COL15A1: variants seen among roughly 807,000 people sequenced by gnomAD.
The protein encoded by COL15A1 is collagen alpha-1(XV) chain.
COL15A1 carries 111 observed loss-of-function variants against 165.9 expected under a neutral mutation model. The observed-to-expected ratio is 0.67, with a 90% confidence interval of 0.57 to 0.78. The LOEUF (loss-of-function observed/expected upper bound fraction) is 0.78, where lower values mean the gene tolerates loss of function less well. COL15A1 is among the 30% of genes least tolerant of loss of function. The pLI is 0.00. For missense variants in COL15A1, 1,745 were observed against 1,789.7 expected, an observed-to-expected ratio of 0.98 and a Z score of 0.45; for synonymous variants, 659 against 674.8, an observed-to-expected ratio of 0.98 and a Z score of 0.36.
chr9:98,988,737 AC>A (rs2118896544), intron 4 of COL15A1, among the ~76,000 whole-genome samples: 1 of 152,204 alleles, frequency 6.6e-6, no homozygotes, highest in East Asian at 1.9e-4. Context: ...AGCCTGGCCA[AC>A]ATGGTGAAAC....
chr9:98,946,203 C>A (rs55677290), intron 2 of COL15A1, among the ~76,000 whole-genome samples: 46,165 of 152,014 alleles, frequency 0.3, 7,342 homozygotes, highest in Non-Finnish European at 0.37. Context: ...CTTACAACCA[C>A]TCCAGGAGGT....
At chr9:99,067,217 C>A in intron 40 of COL15A1, 150 bp downstream of exon 40, 2 of 661,154 alleles carry the variant, frequency 3.0e-6, no homozygotes, top group Non-Finnish European at 5.0e-6. Context: ...GGGTTCTTTG[C>A]CTTCCCTGAA....
At chr9:99,048,917 C>T (rs907578543) in intron 28 of COL15A1, among the ~76,000 whole-genome samples, 7 of 152,102 alleles carry the variant, frequency 4.6e-5, no homozygotes, top group Non-Finnish European at 2.9e-5. Flanking sequence ...AGCTCTAAGT[C>T]TATTGCTGCT....
intron 36 of COL15A1, among the ~76,000 whole-genome samples, chr9:99,060,284 C>T (rs934478949): frequency 6.9e-5 from 10 of 144,044 alleles, no homozygotes; most frequent in East Asian, 2.1e-4. Flanking sequence ...GAGGGGTGGA[C>T]GGGGTCTCAC....
intron 2 of COL15A1, among the ~76,000 whole-genome samples, chr9:98,953,744 C>A (rs1184813428): frequency 6.6e-6 from 1 of 152,226 alleles, no homozygotes; most frequent in Non-Finnish European, 1.5e-5. Flanking sequence ...GGCTTGCAGG[C>A]AACACCCTGG....
chr9:98,951,864 AC>A (rs1429676309), intron 2 of COL15A1, among the ~76,000 whole-genome samples: 1 of 152,142 alleles, frequency 6.6e-6, no homozygotes, highest in Non-Finnish European at 1.5e-5. Context: ...GGCTACCAGT[AC>A]CATTTTAAAA....
chr9:99,069,869 A>G lies in COL15A1; in HGVS notation c.4150A>G (p.Thr1384Ala). ...IVLCIENSFM[T>A]DARK ...CCTATGTATCGAAAACAGTTTCATG[A>G]CAGACGCTAGGAAGTAATGGCCTTC... Residue 1384 changes from threonine to alanine, a missense_variant, in exon 42 of 42, where the codon ACA becomes GCA. Coordinates refer to ENST00000375001, the MANE Select transcript of COL15A1 (RefSeq NM_001855.5). 6.2e-7 allele frequency: 1 copy of G among 1,612,226 alleles called. No individual in the cohort carries two copies. Among genetic ancestry groups the G allele is most frequent in the Admixed American group, 1.7e-5 (1 of 59,968 alleles).
At chr9:99,034,629 C>CTCCTCCA (rs1182840726) in intron 17 of COL15A1, 45 bp downstream of exon 17, 2 of 1,496,664 alleles carry the variant, frequency 1.3e-6, no homozygotes, top group Non-Finnish European at 1.8e-6. Context: ...TTTCTTCTCC[C>CTCCTCCA]TCCTCCCCTT....
At position 98,982,003 on chromosome 9, in the gene COL15A1, G is replaced by A. The variant is rs896985443; in HGVS notation, c.101-3562G>A. On this transcript the variant is annotated intron_variant, in intron 2 of 41. Transcript: ENST00000375001. ...TTTTTTGTAGAGATGGTCTCTCTGT[G>A]TTGCCCAGGCTGGTCTCAAACTCCT... is the stretch of plus-strand genomic sequence containing the variant. Among the ~76,000 whole-genome samples the A allele has an allele frequency of 2.0e-5, 3 of 152,048 alleles. No individual in the cohort carries two copies. The East Asian group carries it at 5.8e-4, about 29-fold the overall frequency.
intron 8 of COL15A1, 61 bp downstream of exon 8, chr9:99,003,648 G>A: frequency 7.0e-7 from 1 of 1,433,860 alleles, no homozygotes; most frequent in Admixed American, 2.7e-5. Context: ...GTTGTGTTGG[G>A]TGGGAGCAGT....
At chr9:98,984,920 T>C (rs977794071) in intron 2 of COL15A1, among the ~76,000 whole-genome samples, 4 of 152,186 alleles carry the variant, frequency 2.6e-5, no homozygotes, top group Admixed American at 6.5e-5. Flanking sequence ...GTCTCCCAAG[T>C]AGCTGAGATT....
chr9:99,036,343 G>C lies in COL15A1; in HGVS notation c.2356G>C (p.Val786Leu), dbSNP rs1341948171. The C allele has an allele frequency of 6.2e-6, 10 of 1,614,012 alleles. No individual in the cohort carries two copies. Among genetic ancestry groups the C allele is most frequent in the Non-Finnish European group, 8.5e-7 (1 of 1,180,032 alleles). Residue 786 changes from valine to leucine, a missense_variant, in exon 21 of 42, where the codon GTG becomes CTG. By Grantham distance (32) the Val-to-Leu change is conservative (BLOSUM62 1). Transcript: ENST00000375001. Reference protein sequence around the residue: ...GERGMDGASIVGPPGPRGPPG... With the variant: ...GERGMDGASILGPPGPRGPPG... ...AAGGGGGATGGATGGAGCCAGTATT[G>C]TGGGACCCCCTGGGCCGAGAGGGCC...
chr9:99,056,345 G>A lies in COL15A1; in HGVS notation c.3278G>A (p.Gly1093Asp). The A allele has an allele frequency of 6.2e-7, 1 of 1,613,750 alleles. No homozygotes were observed. The highest frequency in any genetic ancestry group is 8.5e-7 in the Non-Finnish European group (1 of 1,180,008). Residue 1093 changes from glycine to aspartate, a missense_variant, in exon 35 of 42, where the codon GGT (glycine) becomes GAT (aspartate). Gly to Asp is a moderately conservative substitution (Grantham distance 94). Coordinates refer to ENST00000375001, the MANE Select transcript of COL15A1 (RefSeq NM_001855.5). ...GGGCCACCTGGCTTTGGAAGACCTG[G>A]TGATCCTGGGCCACCGGGGCCCCCG... The part of the protein sequence containing the change: ...LPGPPGFGRP[G>D]DPGPPGPPGP...
intron 5 of COL15A1, among the ~76,000 whole-genome samples, chr9:98,990,604 G>A (rs1184433428): frequency 6.6e-6 from 1 of 152,244 alleles, no homozygotes; most frequent in Non-Finnish European, 1.5e-5. Context: ...AGGCAAAGGT[G>A]CCAACAGCCC....
chr9:98,971,430 G>T (rs1408153734), intron 2 of COL15A1, among the ~76,000 whole-genome samples: 1 of 152,102 alleles, frequency 6.6e-6, no homozygotes, highest in Non-Finnish European at 1.5e-5. Flanking sequence ...TGCACTCAAA[G>T]AGTCTTTGTT....
chr9:99,036,026 G>A (rs1279796991), intron 19 of COL15A1, 144 bp from the exon 20 acceptor site: 2 of 670,212 alleles, frequency 3.0e-6, no homozygotes, highest in African/African-American at 3.6e-5. Flanking sequence ...TCTGACTCCA[G>A]AAGGGGCATT....
intron 30 of COL15A1, 48 bp from the exon 31 acceptor site, chr9:99,052,340 A>G (rs762827006): frequency 5.6e-6 from 8 of 1,430,620 alleles, no homozygotes; most frequent in Admixed American, 1.7e-5. Flanking sequence ...TTCTGCAAAC[A>G]CCACGGCAGA....
Position 99,025,946 on chromosome 9 carries a change from C to T in COL15A1, c.2023C>T (p.Pro675Ser), listed in dbSNP as rs377027482. 383 of 1,612,538 alleles carry T rather than the reference C, an allele frequency of 2.4e-4. 2 individuals carry two copies. Among genetic ancestry groups the T allele is most frequent in the South Asian group, 3.1e-4 (28 of 90,654 alleles). ...QPGVDGATGLPGMKGEKGARG... is the reference protein window; with the variant it reads ...QPGVDGATGLSGMKGEKGARG... ...TGGAGTTGATGGAGCCACCGGCCTT[C>T]CCGGGATGAAAGGGGAGAAGGTACG... is the stretch of plus-strand genomic sequence containing the variant. The change falls in exon 16 of 42, where the codon CCC becomes TCC. Residue 675 changes from proline to serine, a missense_variant. Pro to Ser is a moderately conservative substitution (Grantham distance 74). Coordinates refer to ENST00000375001, the MANE Select transcript of COL15A1 (RefSeq NM_001855.5).
chr9:99,058,614 A>G (rs1170373824), intron 35 of COL15A1, among the ~76,000 whole-genome samples: 4 of 152,226 alleles, frequency 2.6e-5, no homozygotes, highest in Non-Finnish European at 2.9e-5. Flanking sequence ...ATGTATAGCA[A>G]TTCAGTTTAC....
Sources: gnomAD v4.1 joint callset for allele counts (sites outside exome capture counted in the v4.1 genomes callset) on GRCh38, gnomAD v4.1.1 for gene constraint, MANE v1.5 for transcripts, NCBI Gene and HGNC (gene_info 2026-07-23, HGNC 2026-07-21) for gene names.